The following ZNF536 variants were observed in gnomAD, a reference collection of about 807,000 sequenced individuals.
ZNF536 encodes the protein zinc finger protein 536.
ZNF536 carries 13 observed loss-of-function variants against 84.5 expected under a neutral mutation model. The ratio of observed to expected loss-of-function variants is 0.15; its 90% CI spans 0.10 to 0.24. The LOEUF (loss-of-function observed/expected upper bound fraction) is 0.24, where lower values mean the gene tolerates loss of function less well. Among genes scored for constraint, ZNF536 ranks in the 10% least tolerant of loss-of-function variants. The pLI is 1.00. For synonymous variants in ZNF536, 811 were observed against 742.5 expected (o/e 1.09, Z -1.50); for missense variants, 1,536 against 1,747.5 (o/e 0.88, Z 2.16).
At chr19:30,614,872 G>C (rs551908561) in intron 1 of ZNF536, among the ~76,000 whole-genome samples, 2 of 146,040 alleles carry the variant, frequency 1.4e-5, no homozygotes, top group East Asian at 4.0e-4. Flanking sequence ...GTCACGTTAT[G>C]GCATCTATGA....
chr19:30,561,218 T>C (rs2046152620), downstream of ZNF536, among the ~76,000 whole-genome samples: 1 of 152,244 alleles, frequency 6.6e-6, no homozygotes, highest in African/African-American at 2.4e-5. Flanking sequence ...GCTCTTTTTA[T>C]ATGATGGACA....
chr19:30,281,684 A>G (rs1568301303), intron 1 of ZNF536, among the ~76,000 whole-genome samples: 1 of 152,212 alleles, frequency 6.6e-6, no homozygotes, highest in Non-Finnish European at 1.5e-5. Flanking sequence ...AGAGGGAAGC[A>G]GGAGCCATCA....
chr19:30,431,883 A>AG (rs1170159441), intron 1 of ZNF536, among the ~76,000 whole-genome samples: 2 of 152,206 alleles, frequency 1.3e-5, no homozygotes, highest in Non-Finnish European at 2.9e-5. Flanking sequence ...TGCTTTAAAA[A>AG]GGGAGCAAGA....
At chr19:30,514,624 A>G (rs2055557298) in intron 2 of ZNF536, among the ~76,000 whole-genome samples, 1 of 151,852 alleles carries the variant, frequency 6.6e-6, no homozygotes, top group Non-Finnish European at 1.5e-5. Flanking sequence ...TTCTTGGGGC[A>G]TCAAGACCAG....
chr19:30,616,410 G>A (rs1241061167), intron 1 of ZNF536, among the ~76,000 whole-genome samples: 1 of 152,098 alleles, frequency 6.6e-6, no homozygotes, highest in East Asian at 1.9e-4. Context: ...AATTTGTGGA[G>A]ATGATCAAAT....
At chr19:30,685,718 G>T (rs972445116) in intron 1 of ZNF536, among the ~76,000 whole-genome samples, 1 of 152,170 alleles carries the variant, frequency 6.6e-6, no homozygotes, top group African/African-American at 2.4e-5. Context: ...ATGGCCCCGT[G>T]CAGAGGCAAC....
chr19:30,642,006 A>T (rs1030408563), intron 1 of ZNF536, among the ~76,000 whole-genome samples: 1 of 152,198 alleles, frequency 6.6e-6, no homozygotes, highest in African/African-American at 2.4e-5. Flanking sequence ...ACCTTTTGAG[A>T]AAAAAGCACA....
At chr19:30,504,870 G>T (rs542219514) in intron 2 of ZNF536, among the ~76,000 whole-genome samples, 3 of 152,008 alleles carry the variant, frequency 2.0e-5, no homozygotes, top group Non-Finnish European at 4.4e-5. Context: ...TATATGATCC[G>T]CAAAATAAGA....
chr19:30,263,316 G>A (rs2025325457), intron 1 of ZNF536, among the ~76,000 whole-genome samples: 1 of 152,136 alleles, frequency 6.6e-6, no homozygotes, highest in South Asian at 2.1e-4. Context: ...GCCCTGTCTT[G>A]GATTCTGGAA....
chr19:30,544,770 G>A (rs1356777423), intron 3 of ZNF536, among the ~76,000 whole-genome samples: 1 of 152,194 alleles, frequency 6.6e-6, no homozygotes, highest in South Asian at 2.1e-4. Context: ...TGCACAAGTA[G>A]CACTGGCTCT....
rs553109881 is a variant in ZNF536 at position 30,394,688 on chromosome 19, T to C, written c.-3+22132T>C. Among the ~76,000 whole-genome samples the C allele has an allele frequency of 2.6e-5, 4 of 152,318 alleles. No homozygotes were observed. The East Asian group carries it at 7.7e-4, about 29-fold the overall frequency. On this transcript the variant is annotated intron_variant, in intron 1 of 4. Transcript: ENST00000355537. ...AATAGTACAGTCTGGAAATTACACA[T>C]GAGCAGTTGCTTTTCTACTCCCAGT... is the stretch of plus-strand genomic sequence containing the variant.
At chr19:30,411,739 G>A (rs988956903) in intron 1 of ZNF536, among the ~76,000 whole-genome samples, 1 of 151,912 alleles carries the variant, frequency 6.6e-6, no homozygotes, top group South Asian at 2.1e-4. Flanking sequence ...TACACATGCT[G>A]TCTTTTTATT....
intron 1 of ZNF536, among the ~76,000 whole-genome samples, chr19:30,267,369 G>A (rs559514357): frequency 2.6e-4 from 40 of 152,220 alleles, no homozygotes; most frequent in African/African-American, 9.4e-4. Flanking sequence ...TAAAAGTCCT[G>A]TTTTATAATA....
intron 2 of ZNF536, among the ~76,000 whole-genome samples, chr19:30,348,502 C>G (rs976958261): frequency 6.6e-6 from 1 of 152,304 alleles, no homozygotes; most frequent in East Asian, 1.9e-4. Context: ...AATTTGTGGG[C>G]ACCCCTGTGG....
At chr19:30,674,351 G>A (rs2050676031) in intron 1 of ZNF536, among the ~76,000 whole-genome samples, 1 of 152,248 alleles carries the variant, frequency 6.6e-6, no homozygotes, top group Non-Finnish European at 1.5e-5. Context: ...TGGTTGCATA[G>A]AGTCAGGTGA....
At chr19:30,692,674 G>C (rs1382997902) in intron 1 of ZNF536, among the ~76,000 whole-genome samples, 1 of 152,180 alleles carries the variant, frequency 6.6e-6, no homozygotes, top group Non-Finnish European at 1.5e-5. Flanking sequence ...CGCAGCTGTT[G>C]CAACTGCTGG....
intron 2 of ZNF536, among the ~76,000 whole-genome samples, chr19:30,493,444 T>C (rs1447053788): frequency 6.6e-6 from 1 of 152,228 alleles, no homozygotes; most frequent in African/African-American, 2.4e-5. Context: ...AATTTACTTT[T>C]TGTTGTTTTA....
intron 2 of ZNF536, among the ~76,000 whole-genome samples, chr19:30,458,030 G>A (rs1304458134): frequency 6.6e-6 from 1 of 152,198 alleles, no homozygotes; most frequent in Non-Finnish European, 1.5e-5. Context: ...TTTATCTTCT[G>A]ATGAAGCAAA....
In ZNF536 at chr19:30,549,109, A is replaced by G. The variant is rs1332437891; in HGVS notation, c.3490A>G (p.Ile1164Val). ...SKNTTDDLSD[I>V]ASSEDMDSSK... ...GAACACTACTGATGACCTCTCTGAC[A>G]TTGCCTCCTCAGAGGACATGGACTC... The change falls in exon 4 of 5, where the codon ATT (isoleucine) becomes GTT (valine). Residue 1164 changes from isoleucine to valine, a missense_variant. Physicochemically the swap from Ile to Val is conservative, Grantham distance 29 (BLOSUM62 3). Around this residue, in one of 8 missense-constraint regions of ZNF536, gnomAD observed 624 missense variants for 603.1 expected, o/e 1.03. Transcript: ENST00000355537. 4 of 1,614,136 alleles carry G rather than the reference A, an allele frequency of 2.5e-6. No individual in the cohort carries two copies. Among genetic ancestry groups the G allele is most frequent in the South Asian group, 1.1e-5 (1 of 91,088 alleles).
Sources: allele counts gnomAD v4.1 joint callset (sites outside exome capture counted in the v4.1 genomes callset), GRCh38; gene constraint gnomAD v4.1.1; regional missense constraint gnomAD v4.1.1; transcripts MANE v1.5; gene names NCBI Gene and HGNC (gene_info 2026-07-23, HGNC 2026-07-21).